The following FRMD4A variants were observed in gnomAD, a reference collection of about 807,000 sequenced individuals.
FRMD4A encodes FERM domain-containing protein 4A.
A neutral mutation model predicts 129.1 loss-of-function variants in FRMD4A; 29 were observed. That is an observed-to-expected ratio of 0.22 (90% CI 0.17 to 0.31). The LOEUF is 0.31. FRMD4A is among the 10% of genes least tolerant of loss of function. The pLI, the probability that FRMD4A is intolerant of heterozygous loss-of-function variation, is 1.00. For missense variants in FRMD4A, 1,272 were observed against 1,375.8 expected, an observed-to-expected ratio of 0.92 and a Z score of 1.19; for synonymous variants, 634 against 571.6, an observed-to-expected ratio of 1.11 and a Z score of -1.56.
At chr10:13,929,814 C>T (rs1423014255) in intron 2 of FRMD4A, among the ~76,000 whole-genome samples, 2 of 152,136 alleles carry the variant, frequency 1.3e-5, no homozygotes, top group Non-Finnish European at 2.9e-5. Context: ...CTTAGCTGTG[C>T]TACTTACTAG....
intron 4 of FRMD4A, 110 bp downstream of exon 4, chr10:13,810,704 G>T: frequency 1.8e-6 from 1 of 548,520 alleles, no homozygotes; most frequent in Non-Finnish European, 3.3e-6. Context: ...CCCAGACCAT[G>T]GGACCCAAGT....
intron 2 of FRMD4A, chr10:14,003,694 A>C (rs1253204205): frequency 3.9e-5 from 6 of 152,192 alleles, no homozygotes; most frequent in Non-Finnish European, 8.8e-5. Flanking sequence ...ATACAGACAG[A>C]AGCCTAGCAG....
intron 2 of FRMD4A, among the ~76,000 whole-genome samples, chr10:13,935,819 C>T (rs115156746): frequency 6.6e-6 from 1 of 152,178 alleles, no homozygotes; most frequent in Non-Finnish European, 1.5e-5. Flanking sequence ...CAAAAAGCTA[C>T]ATGAATTCCC....
Position 14,025,654 on chromosome 10 carries a change from G to A in FRMD4A, c.46-166742C>T, listed in dbSNP as rs115765241. On this transcript the variant is annotated intron_variant, in intron 2 of 24. Transcript: ENST00000357447. ...CAGAACTCTTCTCATTTTGCAAAAC[G>A]GAAACACTGTGACCATTAAACAATA... 3.0e-3 allele frequency among the ~76,000 whole-genome samples: 453 copies of A among 152,210 alleles called. 2 individuals are homozygous for A. Among genetic ancestry groups the A allele is most frequent in the African/African-American group, 8.6e-3 (359 of 41,526 alleles).
At chr10:14,125,774 G>A (rs1352035090) in intron 2 of FRMD4A, among the ~76,000 whole-genome samples, 1 of 152,026 alleles carries the variant, frequency 6.6e-6, no homozygotes, top group Non-Finnish European at 1.5e-5. Context: ...CACATACACG[G>A]CTCCTGCTAT....
At chr10:13,676,557 G>A (rs1235857832) in intron 15 of FRMD4A, among the ~76,000 whole-genome samples, 1 of 151,878 alleles carries the variant, frequency 6.6e-6, no homozygotes, top group South Asian at 2.1e-4. Context: ...TTACAGGCAT[G>A]AGCCACCGCG....
rs369221320 is a variant in FRMD4A, at chr10:13,659,425, T to C, written c.1964A>G (p.Gln655Arg). 6.2e-7 allele frequency: 1 copy of C among 1,613,910 alleles called. No individual in the cohort carries two copies. Among genetic ancestry groups the C allele is most frequent in the African/African-American group, 1.3e-5 (1 of 74,938 alleles). ...CGGGAGGCCGCGGATGGGGCTGTTCTGCAAGGAGTTGCTTCCTCCGCCGGC... is the reference window on the plus strand; with the variant it reads ...CGGGAGGCCGCGGATGGGGCTGTTCCGCAAGGAGTTGCTTCCTCCGCCGGC... ...AEAGGGSNSL[Q>R]NSPIRGLPHW... is the part of the protein sequence containing the mutation. The change falls in exon 21 of 25, where the codon CAG becomes CGG. Residue 655 changes from glutamine (Q) to arginine (R), a missense_variant. By Grantham distance (43) the Gln-to-Arg change is conservative (BLOSUM62 1). Coordinates refer to ENST00000357447, the MANE Select transcript of FRMD4A (RefSeq NM_018027.5).
intron 2 of FRMD4A, among the ~76,000 whole-genome samples, chr10:14,033,986 G>T (rs1833381629): frequency 6.6e-6 from 1 of 152,168 alleles, no homozygotes; most frequent in African/African-American, 2.4e-5. Flanking sequence ...CATCCTAAGT[G>T]AACTAACTTA....
chr10:14,137,106 G>A (rs553486472), intron 2 of FRMD4A, among the ~76,000 whole-genome samples: 5 of 152,334 alleles, frequency 3.3e-5, no homozygotes, highest in Admixed American at 2.0e-4. Context: ...CCTGATCTCT[G>A]GTGATCCAGC....
intron 2 of FRMD4A, among the ~76,000 whole-genome samples, chr10:14,120,810 T>C (rs769902371): frequency 1.4e-4 from 22 of 152,232 alleles, no homozygotes; most frequent in Non-Finnish European, 2.4e-4. Flanking sequence ...TTACAGCAGC[T>C]ACTCTTGCCT....
At chr10:13,660,246 G>T in intron 20 of FRMD4A, 70 bp downstream of exon 20, 1 of 984,612 alleles carries the variant, frequency 1.0e-6, no homozygotes, top group Non-Finnish European at 1.6e-6. Context: ...GATGCTACTT[G>T]GGACGGCCCT....
chr10:14,037,693 C>T (rs1436264937), intron 2 of FRMD4A, among the ~76,000 whole-genome samples: 5 of 152,134 alleles, frequency 3.3e-5, no homozygotes, highest in African/African-American at 9.7e-5. Flanking sequence ...ATTTTGCTCC[C>T]CATGGAGGTT....
chr10:14,076,519 A>G (rs2131724850), intron 2 of FRMD4A, among the ~76,000 whole-genome samples: 1 of 152,254 alleles, frequency 6.6e-6, no homozygotes, highest in South Asian at 2.1e-4. Context: ...GGGAGCCTGT[A>G]GTCCCAGCTA....
At chr10:13,960,906 A>C (rs959211679) in intron 2 of FRMD4A, among the ~76,000 whole-genome samples, 1 of 152,222 alleles carries the variant, frequency 6.6e-6, no homozygotes, top group Non-Finnish European at 1.5e-5. Flanking sequence ...GCAGAGTCAC[A>C]AGATGACATC....
chr10:13,697,169 T>C (rs2086302486), intron 14 of FRMD4A, among the ~76,000 whole-genome samples: 1 of 151,894 alleles, frequency 6.6e-6, no homozygotes, highest in African/African-American at 2.4e-5. Context: ...TTTTTTTTTT[T>C]TTGAGACAGA....
At chr10:14,048,254 G>A (rs1024286760) in intron 2 of FRMD4A, among the ~76,000 whole-genome samples, 1 of 152,294 alleles carries the variant, frequency 6.6e-6, no homozygotes, top group East Asian at 1.9e-4. Context: ...CAGAGCACAC[G>A]ACTGCTGGGA....
rs137860710 is a variant in FRMD4A, at chr10:14,002,170, C to A, written c.46-143258G>T. Among the ~76,000 whole-genome samples, 316 of 152,250 alleles carry A rather than the reference C, an allele frequency of 2.1e-3. 4 individuals carry two copies. Among genetic ancestry groups the A allele is most frequent in the Non-Finnish European group, 3.6e-3 (247 of 68,010 alleles). ...TCCCACCATTTCAGTCTTTCCCAGA[C>A]ACACAAAAACCCTTTCACCTAAAGT... On this transcript the variant is annotated intron_variant, in intron 2 of 24. Coordinates refer to ENST00000357447, the MANE Select transcript of FRMD4A (RefSeq NM_018027.5).
chr10:13,865,407 T>A (rs1250472002), intron 2 of FRMD4A, among the ~76,000 whole-genome samples: 2 of 134,338 alleles, frequency 1.5e-5, no homozygotes, highest in Non-Finnish European at 3.2e-5. Context: ...TTATTTTATT[T>A]GTTTTATTTT....
At chr10:13,905,058 C>T (rs1461689864) in intron 2 of FRMD4A, among the ~76,000 whole-genome samples, 3 of 146,656 alleles carry the variant, frequency 2.0e-5, no homozygotes, top group African/African-American at 7.6e-5. Context: ...CTCCTTAAAA[C>T]AGTTTTAAGG....
Sources: allele counts gnomAD v4.1 joint callset (sites outside exome capture counted in the v4.1 genomes callset), GRCh38; gene constraint gnomAD v4.1.1; transcripts MANE v1.5; gene names NCBI Gene and HGNC (gene_info 2026-07-23, HGNC 2026-07-21).